EIF4G3: variants seen among roughly 807,000 people sequenced by gnomAD.
EIF4G3 encodes the protein eIF-4-gamma 3.
In EIF4G3, 34 loss-of-function variants were observed where a neutral mutation model predicts 186.4. The observed-to-expected ratio is 0.18, with a 90% CI of 0.14 to 0.24. EIF4G3 has a LOEUF of 0.24. EIF4G3 is among the 10% of genes least tolerant of loss of function. The pLI is 1.00. For synonymous variants in EIF4G3, 673 were observed against 679.5 expected (o/e 0.99, Z 0.15); for missense variants, 1,536 against 1,948.5 (o/e 0.79, Z 3.99).
chr1:20,813,513 A>G (rs2059684794), intron 34 of EIF4G3, among the ~76,000 whole-genome samples: 1 of 151,780 alleles, frequency 6.6e-6, no homozygotes, highest in South Asian at 2.1e-4. Context: ...AGGCTGCAGT[A>G]AGCAATGACT....
rs979482336 is a variant in EIF4G3, at chr1:21,094,606, C to T, written c.-271-5393G>A. ...TCGACACAGGAAAGGGAACATCACACACCGGGGCCTGTCGTGAGGTGGGGG... is the reference window on the plus strand; with the variant it reads ...TCGACACAGGAAAGGGAACATCACATACCGGGGCCTGTCGTGAGGTGGGGG... On this transcript the variant is annotated intron_variant, in intron 2 of 36. Coordinates refer to ENST00000602326, the MANE Select transcript of EIF4G3 (RefSeq NM_001391906.1). 4.6e-4 allele frequency among the ~76,000 whole-genome samples: 63 copies of T among 137,408 alleles called. 2 individuals carry two copies. Among genetic ancestry groups the T allele is most frequent in the African/African-American group, 1.6e-3 (58 of 36,302 alleles). 90.1% of individuals were successfully genotyped at this position (137,408 alleles called of 152,430 possible).
chr1:20,841,086 T>A, intron 29 of EIF4G3, 58 bp from the exon 30 acceptor site: 1 of 1,554,520 alleles, frequency 6.4e-7, no homozygotes, highest in Non-Finnish European at 8.8e-7. Context: ...ACCAGAATGT[T>A]AAGATAACTT....
chr1:21,066,131 G>A (rs1463969613), intron 3 of EIF4G3, among the ~76,000 whole-genome samples: 2 of 151,996 alleles, frequency 1.3e-5, no homozygotes, highest in Admixed American at 6.6e-5. Flanking sequence ...CTGGGCAACA[G>A]AGCGAGACTC....
At chr1:20,887,521 T>C (rs1055587128) in intron 18 of EIF4G3, among the ~76,000 whole-genome samples, 1 of 152,058 alleles carries the variant, frequency 6.6e-6, no homozygotes, top group Admixed American at 6.6e-5. Context: ...CTGCCCCAAT[T>C]AGAAATGGTA....
chr1:20,823,120 T>C (rs1386908837), intron 33 of EIF4G3, among the ~76,000 whole-genome samples: 1 of 152,190 alleles, frequency 6.6e-6, no homozygotes, highest in African/African-American at 2.4e-5. Flanking sequence ...TTTGGTATTA[T>C]GCAGTTTCAC....
intron 7 of EIF4G3, among the ~76,000 whole-genome samples, chr1:20,988,850 T>C (rs187283518): frequency 4.2e-4 from 63 of 151,636 alleles, no homozygotes; most frequent in African/African-American, 1.5e-3. Context: ...ATTTCTCTGA[T>C]GGTTCTGGGC....
At chr1:20,813,866 AAAAAAAG>A (rs1202086244) in intron 34 of EIF4G3, among the ~76,000 whole-genome samples, 1 of 151,886 alleles carries the variant, frequency 6.6e-6, no homozygotes, top group Admixed American at 6.6e-5. Context: ...AACAAAAAAC[AAAAAAAG>A]ATACCCTTGC....
At chr1:21,009,711 G>A (rs1570898685) in intron 4 of EIF4G3, among the ~76,000 whole-genome samples, 1 of 152,032 alleles carries the variant, frequency 6.6e-6, no homozygotes, top group Non-Finnish European at 1.5e-5. Context: ...CTGGAGTGCA[G>A]TGGCACGATC....
intron 4 of EIF4G3, among the ~76,000 whole-genome samples, chr1:21,007,485 A>G (rs987173833): frequency 1.4e-5 from 2 of 139,532 alleles, no homozygotes; most frequent in African/African-American, 2.6e-5. Flanking sequence ...GGAGCTCACT[A>G]TGTGAATATA....
chr1:21,010,450 GAAAGAAAAAGA>G (rs1230612500), intron 4 of EIF4G3, among the ~76,000 whole-genome samples: 13 of 139,390 alleles, frequency 9.3e-5, no homozygotes, highest in Non-Finnish European at 1.6e-4. Context: ...AAAAGAAAAA[GAAAGAAAAAGA>G]AAAGAAAAAA....
At chr1:20,992,946 T>C (rs2081433379) in intron 7 of EIF4G3, among the ~76,000 whole-genome samples, 1 of 152,152 alleles carries the variant, frequency 6.6e-6, no homozygotes, top group Non-Finnish European at 1.5e-5. Context: ...GTTCTTTCAG[T>C]TTCTAATTAC....
chr1:20,899,738 G>C lies in EIF4G3; in HGVS notation c.1958C>G (p.Thr653Arg). The change falls in exon 16 of 37, where the codon ACA becomes AGA. Residue 653 changes from threonine (T) to arginine (R), a missense_variant. Transcript: ENST00000602326. ...GEGIDANSGS[T>R]DSSGDGVTFP... ...TGTAACCCCATCACCAGAACTATCT[G>C]TGGAGCCTGAATTAGCATCTATTCC... The C allele has an allele frequency of 6.2e-7, 1 of 1,614,144 alleles. No individual in the cohort carries two copies. Among genetic ancestry groups the C allele is most frequent in the South Asian group, 1.1e-5 (1 of 91,082 alleles).
intron 2 of EIF4G3, among the ~76,000 whole-genome samples, chr1:21,136,345 C>A (rs2097245842): frequency 6.6e-6 from 1 of 151,806 alleles, no homozygotes; most frequent in Non-Finnish European, 1.5e-5. Flanking sequence ...GGTGAAACCC[C>A]ATCTCTACTA....
intron 34 of EIF4G3, 143 bp downstream of exon 34, chr1:20,817,249 A>T (rs577805127): frequency 0.036 from 11,249 of 312,342 alleles, 423 homozygotes; most frequent in African/African-American, 0.1. Context: ...TTAAAAAAAA[A>T]AAATAAATAA....
chr1:20,878,846 G>C (rs943008971), intron 20 of EIF4G3, among the ~76,000 whole-genome samples: 1 of 152,190 alleles, frequency 6.6e-6, no homozygotes, highest in East Asian at 1.9e-4. Context: ...TGTAAACGGA[G>C]AGAAACCTAA....
chr1:21,108,661 C>G (rs2096659688), intron 2 of EIF4G3, among the ~76,000 whole-genome samples: 1 of 146,414 alleles, frequency 6.8e-6, no homozygotes. Flanking sequence ...CCCAGCACTT[C>G]GGGAGGCCAA....
At chr1:21,107,242 T>C (rs1237235900) in intron 2 of EIF4G3, among the ~76,000 whole-genome samples, 1 of 152,170 alleles carries the variant, frequency 6.6e-6, no homozygotes, top group Non-Finnish European at 1.5e-5. Context: ...AGTGGCACCA[T>C]CTTGGCTCGC....
At chr1:21,108,433 A>G (rs994262616) in intron 2 of EIF4G3, among the ~76,000 whole-genome samples, 1 of 152,166 alleles carries the variant, frequency 6.6e-6, no homozygotes, top group African/African-American at 2.4e-5. Context: ...CAATGGAGAA[A>G]GGAGGGGAAT....
intron 29 of EIF4G3, among the ~76,000 whole-genome samples, chr1:20,841,494 CA>C (rs2068580870): frequency 6.6e-6 from 1 of 152,090 alleles, no homozygotes; most frequent in African/African-American, 2.4e-5. Flanking sequence ...TGTCATGATT[CA>C]AAAGCCTTAA....
Sources: gnomAD v4.1 joint callset for allele counts (sites outside exome capture counted in the v4.1 genomes callset) on GRCh38, gnomAD v4.1.1 for gene constraint, MANE v1.5 for transcripts, NCBI Gene and HGNC (gene_info 2026-07-23, HGNC 2026-07-21) for gene names.